The following STPG2 variants were observed in gnomAD, a reference collection of about 807,000 sequenced individuals.
STPG2 encodes sperm-tail PG-rich repeat-containing protein 2.
In STPG2, 56 loss-of-function variants were observed where a neutral mutation model predicts 54.2. That is an observed-to-expected ratio of 1.03 (90% CI 0.83 to 1.29). STPG2 has a LOEUF of 1.29. STPG2 is among the 50% of genes most tolerant of loss of function. The probability of loss-of-function intolerance (pLI) is 0.00; values close to 1 mark genes in which losing one functional copy is unlikely to be tolerated. For missense variants in STPG2, 596 were observed against 544.9 expected (o/e 1.09, Z -0.93); for synonymous variants, 200 against 181.8 (o/e 1.10, Z -0.81).
chr4:97,615,881 C>T (rs991749685), intron 10 of STPG2, among the ~76,000 whole-genome samples: 1 of 149,692 alleles, frequency 6.7e-6, no homozygotes, highest in Admixed American at 6.7e-5. Flanking sequence ...ACTGAAAATA[C>T]AAAAAATTAG....
At chr4:97,792,889 C>T (rs969577235) in intron 9 of STPG2, among the ~76,000 whole-genome samples, 6 of 152,146 alleles carry the variant, frequency 3.9e-5, no homozygotes, top group Admixed American at 2.0e-4. Flanking sequence ...CAGTGGCTCA[C>T]GTCTGTAATC....
chr4:97,983,993 A>C (rs1348338133), intron 5 of STPG2, among the ~76,000 whole-genome samples: 3 of 152,154 alleles, frequency 2.0e-5, no homozygotes, highest in African/African-American at 7.2e-5. Flanking sequence ...CACCTCCTCC[A>C]ATCCATATTT....
At chr4:98,038,654 A>G (rs1459635491) in intron 5 of STPG2, among the ~76,000 whole-genome samples, 2 of 152,086 alleles carry the variant, frequency 1.3e-5, no homozygotes, top group Non-Finnish European at 2.9e-5. Flanking sequence ...ATATTTCTCA[A>G]AAAAGATACC....
chr4:98,034,951 G>T (rs1736723570), intron 5 of STPG2, among the ~76,000 whole-genome samples: 1 of 152,146 alleles, frequency 6.6e-6, no homozygotes, highest in South Asian at 2.1e-4. Context: ...ATTAACTCAA[G>T]ATGGATTAAA....
intron 5 of STPG2, among the ~76,000 whole-genome samples, chr4:98,052,352 G>C (rs911148998): frequency 1.3e-5 from 2 of 152,130 alleles, no homozygotes; most frequent in Admixed American, 1.3e-4. Flanking sequence ...CTTTAGTCTT[G>C]TATTACAATA....
chr4:97,889,930 G>T (rs993968709), intron 8 of STPG2, among the ~76,000 whole-genome samples: 7 of 152,058 alleles, frequency 4.6e-5, no homozygotes, highest in Admixed American at 3.3e-4. Context: ...AGCAATGCTT[G>T]CCCTCCCTCA....
chr4:98,130,946 AAAAAC>A (rs1330534501), intron 2 of STPG2, among the ~76,000 whole-genome samples: 15 of 127,774 alleles, frequency 1.2e-4, no homozygotes, highest in East Asian at 2.0e-4. Context: ...AAAACAAAAA[AAAAAC>A]GACTTTCCAA....
chr4:98,103,174 C>T (rs1559859), intron 5 of STPG2, among the ~76,000 whole-genome samples: 60,511 of 151,598 alleles, frequency 0.4, 12,334 homozygotes, highest in African/African-American at 0.46. Flanking sequence ...TATAAAACAA[C>T]AGAAAATTCA....
At chr4:97,850,908 G>C (rs1470226437) in intron 8 of STPG2, among the ~76,000 whole-genome samples, 3 of 152,148 alleles carry the variant, frequency 2.0e-5, no homozygotes, top group African/African-American at 7.2e-5. Context: ...AGTCATAATA[G>C]CTCTCTGTTT....
chr4:98,047,212 G>A (rs989383457), intron 5 of STPG2, among the ~76,000 whole-genome samples: 1 of 152,198 alleles, frequency 6.6e-6, no homozygotes, highest in Admixed American at 6.5e-5. Context: ...GGTGATTCAA[G>A]TAGCCAGCCC....
At chr4:97,579,013 C>T (rs1045705892) in intron 10 of STPG2, among the ~76,000 whole-genome samples, 6 of 152,096 alleles carry the variant, frequency 3.9e-5, no homozygotes, top group Admixed American at 6.6e-5. Context: ...AAATAAATCA[C>T]TCATCTGTTT....
chr4:97,474,464 A>G (rs1248350806), intron 4 of STPG2, among the ~76,000 whole-genome samples: 2 of 152,146 alleles, frequency 1.3e-5, no homozygotes, highest in African/African-American at 4.8e-5. Flanking sequence ...TCATGGTGAT[A>G]ATAATCCAAC....
intron 8 of STPG2, among the ~76,000 whole-genome samples, chr4:97,861,930 C>T (rs553958070): frequency 1.1e-4 from 17 of 152,122 alleles, no homozygotes; most frequent in African/African-American, 3.9e-4. Context: ...AAGCACTAAA[C>T]ATGGAAAGGA....
At chr4:97,721,070 T>C (rs1186172099) in intron 9 of STPG2, among the ~76,000 whole-genome samples, 1 of 152,092 alleles carries the variant, frequency 6.6e-6, no homozygotes, top group Non-Finnish European at 1.5e-5. Flanking sequence ...TCTTTCAGGA[T>C]TATACTTTTG....
At chr4:97,786,207 A>C (rs1726819208) in intron 9 of STPG2, among the ~76,000 whole-genome samples, 1 of 152,044 alleles carries the variant, frequency 6.6e-6, no homozygotes, top group Non-Finnish European at 1.5e-5. Context: ...TAAAAAAAAA[A>C]AAATCTTACC....
intron 8 of STPG2, among the ~76,000 whole-genome samples, chr4:97,849,853 G>T (rs1387138199): frequency 1.3e-5 from 2 of 152,238 alleles, no homozygotes; most frequent in Admixed American, 1.3e-4. Flanking sequence ...CATTGTGGAA[G>T]TCAGTGTGGC....
At chr4:97,925,120 G>A (rs1220132667) in intron 8 of STPG2, among the ~76,000 whole-genome samples, 1 of 152,176 alleles carries the variant, frequency 6.6e-6, no homozygotes, top group African/African-American at 2.4e-5. Flanking sequence ...TGAGATTTAT[G>A]TACTGCAAAT....
chr4:97,728,933 G>C (rs1222128741), intron 9 of STPG2, among the ~76,000 whole-genome samples: 1 of 151,744 alleles, frequency 6.6e-6, no homozygotes, highest in Non-Finnish European at 1.5e-5. Flanking sequence ...GAGAGAGAGA[G>C]AAAGAAAGAT....
intron 5 of STPG2, among the ~76,000 whole-genome samples, chr4:98,008,645 C>G (rs1453374674): frequency 1.3e-5 from 2 of 151,558 alleles, no homozygotes; most frequent in Non-Finnish European, 2.9e-5. Context: ...CAGAACTCCT[C>G]CAAACCACAA....
Sources: allele counts gnomAD v4.1 joint callset (sites outside exome capture counted in the v4.1 genomes callset), GRCh38; gene constraint gnomAD v4.1.1; transcripts MANE v1.5; gene names NCBI Gene and HGNC (gene_info 2026-07-23, HGNC 2026-07-21).